Variants in CACNB2 observed in about 807,000 individuals in gnomAD.
The protein encoded by CACNB2 is calcium voltage-gated channel auxiliary subunit beta 2, also known as voltage-dependent L-type calcium channel subunit beta-2.
A neutral mutation model predicts 73.3 loss-of-function variants in CACNB2; 42 were observed. The observed-to-expected ratio is 0.57, with a 90% CI of 0.45 to 0.74. The LOEUF (loss-of-function observed/expected upper bound fraction) is 0.74, where lower values mean the gene tolerates loss of function less well. Ranked by LOEUF, CACNB2 falls within the 30% of genes least tolerant of loss-of-function variation. The pLI, the probability that CACNB2 is intolerant of heterozygous loss-of-function variation, is 0.00. For missense variants in CACNB2, 940 were observed against 853.0 expected (o/e 1.10, Z -1.27); for synonymous variants, 348 against 310.3 (o/e 1.12, Z -1.28).
At chr10:18,238,339 C>T (rs574371817) in intron 2 of CACNB2, 1 of 152,270 alleles carries the variant, frequency 6.6e-6, no homozygotes, top group Admixed American at 6.5e-5. Flanking sequence ...TCCAAGGTTG[C>T]CTTACTCGCG....
intron 3 of CACNB2, among the ~76,000 whole-genome samples, chr10:18,481,285 C>CAT (rs2048759707): frequency 5.8e-5 from 6 of 103,684 alleles, no homozygotes; most frequent in Admixed American, 4.1e-4. Context: ...CTTGCTCTGT[C>CAT]TCCCAGGCTG....
At chr10:18,506,125 T>C (rs1347991989) in intron 5 of CACNB2, among the ~76,000 whole-genome samples, 1 of 152,216 alleles carries the variant, frequency 6.6e-6, no homozygotes, top group African/African-American at 2.4e-5. Context: ...CTTAAGGTTC[T>C]GTGCATCGCC....
intron 3 of CACNB2, among the ~76,000 whole-genome samples, chr10:18,441,794 C>A (rs1374790031): frequency 6.6e-6 from 1 of 152,018 alleles, no homozygotes; most frequent in African/African-American, 2.4e-5. Context: ...GCCACCACAC[C>A]CAAATAATTT....
intron 3 of CACNB2, among the ~76,000 whole-genome samples, chr10:18,406,824 A>G (rs929247373): frequency 2.6e-5 from 4 of 152,156 alleles, no homozygotes; most frequent in Non-Finnish European, 5.9e-5. Flanking sequence ...GCTGCCTTAG[A>G]GGATGGACAG....
At chr10:18,493,279 C>T (rs2049569562) in intron 3 of CACNB2, among the ~76,000 whole-genome samples, 1 of 152,166 alleles carries the variant, frequency 6.6e-6, no homozygotes, top group African/African-American at 2.4e-5. Flanking sequence ...AGCAATTCTC[C>T]TGCCTCAGCC....
At position 18,472,221 on chromosome 10, in the gene CACNB2, CTTTTTTTTTTTTTTT is replaced by C. The variant is rs200348808; in HGVS notation, c.334-26115_334-26101del. ...CTTTAATATCCGGCCCACTTTTCTT[CTTTTTTTTTTTTTTT>C]TTTTTTTTTTTTTTTTTTGACATGG... is the stretch of plus-strand genomic sequence containing the variant. On this transcript the variant is annotated intron_variant, in intron 3 of 13. Transcript: ENST00000324631. Among the ~76,000 whole-genome samples, 648 of 119,412 alleles carry C rather than the reference CTTTTTTTTTTTTTTT, an allele frequency of 5.4e-3. 6 individuals carry two copies. Among genetic ancestry groups the C allele is most frequent in the East Asian group, 0.037 (156 of 4,240 alleles). 78.3% of individuals were successfully genotyped at this position (119,412 alleles called of 152,430 possible). A position where few individuals can be genotyped will look rare whatever the true frequency, so the allele number is the denominator to read the frequency against.
intron 2 of CACNB2, among the ~76,000 whole-genome samples, chr10:18,361,993 T>A (rs534212187): frequency 1.3e-4 from 20 of 152,200 alleles, no homozygotes; most frequent in Non-Finnish European, 2.8e-4. Flanking sequence ...CACATTTTTT[T>A]ATATTTTTTA....
chr10:18,525,811 T>A (rs898940831), intron 9 of CACNB2, among the ~76,000 whole-genome samples: 2 of 152,200 alleles, frequency 1.3e-5, no homozygotes, highest in Non-Finnish European at 2.9e-5. Flanking sequence ...CTCTTTTTTG[T>A]TTTACCCTTT....
rs541447377 is a variant in CACNB2, at chr10:18,151,266, G to T, written c.213+291G>T. ...CCAGCAGAAATGATTATGGATTTGG[G>T]GGGATTGTTTTTTTTTTTTTTCAGT... On this transcript the variant is annotated intron_variant, in intron 2 of 13. Transcript: ENST00000324631. The T allele has an allele frequency of 4.3e-5, 14 of 325,036 alleles. No homozygotes were observed. In the East Asian group the frequency reaches 7.2e-4, roughly 17 times the overall value. The allele number at this position is 325,036 out of a possible 1,614,324, so 20.1% of individuals were successfully genotyped here.
At chr10:18,359,510 G>C (rs1029799246) in intron 2 of CACNB2, among the ~76,000 whole-genome samples, 3 of 152,034 alleles carry the variant, frequency 2.0e-5, no homozygotes, top group Non-Finnish European at 4.4e-5. Context: ...CTGACCTAAA[G>C]TGATCCACCC....
At chr10:18,201,021 C>A (rs2034855016) in intron 2 of CACNB2, among the ~76,000 whole-genome samples, 1 of 152,178 alleles carries the variant, frequency 6.6e-6, no homozygotes, top group Non-Finnish European at 1.5e-5. Context: ...CGTTCACTGG[C>A]TTCCATTTTA....
At chr10:18,464,090 A>C (rs117543919) in intron 3 of CACNB2, among the ~76,000 whole-genome samples, 18 of 150,568 alleles carry the variant, frequency 1.2e-4, no homozygotes, top group Admixed American at 8.6e-4. Context: ...GTTGAACCCT[A>C]CCTCCAACTT....
At chr10:18,365,733 C>T (rs1459949092) in intron 2 of CACNB2, among the ~76,000 whole-genome samples, 1 of 152,082 alleles carries the variant, frequency 6.6e-6, no homozygotes, top group Non-Finnish European at 1.5e-5. Context: ...TGTATACTAC[C>T]TGAATGTTGA....
intron 2 of CACNB2, among the ~76,000 whole-genome samples, chr10:18,240,865 A>G (rs1226578061): frequency 6.6e-6 from 1 of 151,522 alleles, no homozygotes; most frequent in Non-Finnish European, 1.5e-5. Flanking sequence ...AGTGGCCTCC[A>G]CTCTGCCCTC....
chr10:18,364,242 C>G (rs1057306033), intron 2 of CACNB2, among the ~76,000 whole-genome samples: 5 of 151,280 alleles, frequency 3.3e-5, no homozygotes, highest in Non-Finnish European at 7.4e-5. Flanking sequence ...GCATGAGCCG[C>G]GGTGCCTGCC....
chr10:18,190,180 A>G (rs765540371), intron 2 of CACNB2, among the ~76,000 whole-genome samples: 20 of 152,176 alleles, frequency 1.3e-4, no homozygotes, highest in Non-Finnish European at 2.5e-4. Context: ...CTCAATAAAC[A>G]CTATCAGAAA....
At chr10:18,192,289 T>TTCATTCATTCAG (rs1554767608) in intron 2 of CACNB2, among the ~76,000 whole-genome samples, 2 of 152,030 alleles carry the variant, frequency 1.3e-5, no homozygotes, top group African/African-American at 4.8e-5. Flanking sequence ...CATTCATTCA[T>TTCATTCATTCAG]GTATTATAAT....
At chr10:18,210,904 T>C (rs1203306616) in intron 2 of CACNB2, among the ~76,000 whole-genome samples, 2 of 152,226 alleles carry the variant, frequency 1.3e-5, no homozygotes, top group African/African-American at 4.8e-5. Flanking sequence ...ACAGGGATTA[T>C]GCATTTACCA....
Position 18,401,971 on chromosome 10 carries a change from T to G in CACNB2, c.261T>G (p.Ser87=). ...YTSRPSDSDV[S]LEEDREAVRR... Reference sequence around the variant, plus strand: ...GCCGTCCATCCGATTCCGATGTATCTCTGGAGGAGGACCGGGAGGCAGTGC... The same window carrying G: ...GCCGTCCATCCGATTCCGATGTATCGCTGGAGGAGGACCGGGAGGCAGTGC... The change falls in exon 3 of 14, where the codon TCT becomes TCG. Residue 87 remains serine (S), a synonymous_variant. Transcript: ENST00000324631. 7 of 1,613,990 alleles carry G rather than the reference T, an allele frequency of 4.3e-6. No individual in the cohort carries two copies. The highest frequency in any genetic ancestry group is 5.9e-6 in the Non-Finnish European group (7 of 1,179,906).
Sources: gnomAD v4.1 joint callset for allele counts (sites outside exome capture counted in the v4.1 genomes callset) on GRCh38, gnomAD v4.1.1 for gene constraint, MANE v1.5 for transcripts, NCBI Gene and HGNC (gene_info 2026-07-23, HGNC 2026-07-21) for gene names.